RANBP2: variants seen among roughly 807,000 people sequenced by gnomAD.
RANBP2 encodes the protein RAN binding protein 2.
A neutral mutation model predicts 303.6 loss-of-function variants in RANBP2; 57 were observed. The ratio of observed to expected loss-of-function variants is 0.19; its 90% CI spans 0.15 to 0.23. The LOEUF (loss-of-function observed/expected upper bound fraction) is 0.23. RANBP2 is among the 10% of genes least tolerant of loss of function. The pLI is 1.00. For synonymous variants in RANBP2, 1,167 were observed against 1,301.5 expected, an observed-to-expected ratio of 0.90 and a Z score of 2.23; for missense variants, 3,138 against 3,780.8, an observed-to-expected ratio of 0.83 and a Z score of 4.46.
chr2:108,899,622 G>A, the RANBP2 span, among the ~76,000 whole-genome samples: 9 of 152,304 alleles, frequency 5.9e-5, no homozygotes, highest in South Asian at 2.1e-4. Flanking sequence ...TACAACTACT[G>A]TAAACAGAGA....
the RANBP2 span, among the ~76,000 whole-genome samples, chr2:109,465,884 C>T: frequency 4.6e-5 from 7 of 152,082 alleles, no homozygotes; most frequent in Non-Finnish European, 8.8e-5. Flanking sequence ...TTAAACCATT[C>T]GTGAGAAATC....
the RANBP2 span, among the ~76,000 whole-genome samples, chr2:109,306,019 A>G: frequency 1.3e-5 from 2 of 152,228 alleles, no homozygotes; most frequent in South Asian, 4.1e-4. Flanking sequence ...AGGTGACTTC[A>G]GGAGTGATTC....
the RANBP2 span, among the ~76,000 whole-genome samples, chr2:109,608,548 T>C: frequency 6.6e-6 from 1 of 152,204 alleles, no homozygotes; most frequent in Non-Finnish European, 1.5e-5. Context: ...GAGGAGGGGC[T>C]GGGGAGCCCA....
chr2:108,752,864 G>A, intron 12 of RANBP2, 134 bp from the exon 13 acceptor site: 1 of 1,561,908 alleles, frequency 6.4e-7, no homozygotes, highest in Non-Finnish European at 8.7e-7. Context: ...GTATTTGGAA[G>A]TTGAACAAAT....
At chr2:108,975,191 G>T in the RANBP2 span, among the ~76,000 whole-genome samples, 1,685 of 152,344 alleles carry the variant, frequency 0.011, 27 homozygotes, top group African/African-American at 0.038. Context: ...CTGCAGTCCA[G>T]CCTGTGTGGG....
chr2:109,078,100 A>ATATAGCGTG, the RANBP2 span, among the ~76,000 whole-genome samples: 11 of 70,004 alleles, frequency 1.6e-4, no homozygotes, highest in Non-Finnish European at 2.3e-4. Flanking sequence ...ATATATATAT[A>ATATAGCGTG]TATATATATA....
At chr2:109,385,140 AG>A in the RANBP2 span, among the ~76,000 whole-genome samples, 146 of 152,328 alleles carry the variant, frequency 9.6e-4, 1 homozygote, top group African/African-American at 3.3e-3. Flanking sequence ...GGCATCAGAC[AG>A]TCGAGCAGAA....
the RANBP2 span, among the ~76,000 whole-genome samples, chr2:108,886,084 A>G: frequency 2.0e-5 from 3 of 152,316 alleles, no homozygotes; most frequent in South Asian, 4.1e-4. Flanking sequence ...GGTGATATAT[A>G]TCAGTATATC....
the RANBP2 span, among the ~76,000 whole-genome samples, chr2:108,943,004 C>A: frequency 6.6e-6 from 1 of 152,196 alleles, no homozygotes; most frequent in Non-Finnish European, 1.5e-5. Flanking sequence ...GGCGTTTCAC[C>A]GGGCAGGTGA....
At chr2:108,746,461 G>A (rs1363132765) in intron 7 of RANBP2, among the ~76,000 whole-genome samples, 8 of 146,952 alleles carry the variant, frequency 5.4e-5, no homozygotes, top group Non-Finnish European at 1.5e-5. Context: ...GACCTCAAGT[G>A]ATCAGCCCAC....
chr2:109,455,195 G>A, the RANBP2 span, among the ~76,000 whole-genome samples: 350 of 152,258 alleles, frequency 2.3e-3, no homozygotes, highest in African/African-American at 7.8e-3. Context: ...GTCATGGCCC[G>A]TCCAGGAGTC....
the RANBP2 span, chr2:109,490,891 C>T: frequency 6.6e-7 from 1 of 1,526,444 alleles, no homozygotes; most frequent in Non-Finnish European, 8.8e-7. Context: ...GCTCCGCTGT[C>T]CATGGCTGCC....
At chr2:108,961,788 G>A in the RANBP2 span, among the ~76,000 whole-genome samples, 2 of 152,104 alleles carry the variant, frequency 1.3e-5, no homozygotes, top group East Asian at 3.8e-4. Flanking sequence ...CTTTTAACCT[G>A]CTGCTGCTCT....
At chr2:109,067,085 GA>G in the RANBP2 span, among the ~76,000 whole-genome samples, 7,188 of 143,000 alleles carry the variant, frequency 0.05, 274 homozygotes, top group African/African-American at 0.1. Flanking sequence ...CAGAAAGAAA[GA>G]AAAAAAAAAA....
chr2:108,992,701 T>C, the RANBP2 span, among the ~76,000 whole-genome samples: 1 of 152,242 alleles, frequency 6.6e-6, no homozygotes, highest in Non-Finnish European at 1.5e-5. Flanking sequence ...TTTATGCTCA[T>C]GGTGACACCC....
chr2:109,629,931 C>T, the RANBP2 span, among the ~76,000 whole-genome samples: 1 of 152,236 alleles, frequency 6.6e-6, no homozygotes, highest in Non-Finnish European at 1.5e-5. Context: ...AGCAGTACCT[C>T]CCCCATGGAG....
chr2:109,628,815 A>G, the RANBP2 span, among the ~76,000 whole-genome samples: 1 of 145,940 alleles, frequency 6.9e-6, no homozygotes, highest in Non-Finnish European at 1.5e-5. Context: ...GATTTTTTTT[A>G]ACCTTACCAA....
chr2:109,283,367 C>T, the RANBP2 span, among the ~76,000 whole-genome samples: 1 of 152,206 alleles, frequency 6.6e-6, no homozygotes, highest in Non-Finnish European at 1.5e-5. Context: ...CTCTGCCAGG[C>T]CTCACCTCAC....
chr2:108,958,071 C>T, the RANBP2 span, among the ~76,000 whole-genome samples: 1 of 152,128 alleles, frequency 6.6e-6, no homozygotes, highest in Non-Finnish European at 1.5e-5. Flanking sequence ...TTACCATGCC[C>T]GTGAGCCTCA....
Sources: gnomAD v4.1 joint callset for allele counts (sites outside exome capture counted in the v4.1 genomes callset) on GRCh38, gnomAD v4.1.1 for gene constraint, MANE v1.5 for transcripts, NCBI Gene and HGNC (gene_info 2026-07-23, HGNC 2026-07-21) for gene names.